The following NCOA7 variants were observed in gnomAD, a reference collection of about 807,000 sequenced individuals.
NCOA7 encodes the protein 140 kDa estrogen receptor-associated protein.
In NCOA7, 45 loss-of-function variants were observed where a neutral mutation model predicts 104.3. That is an observed-to-expected ratio of 0.43 (90% CI 0.34 to 0.55). The LOEUF (loss-of-function observed/expected upper bound fraction) is 0.55. Among genes scored for constraint, NCOA7 ranks in the 20% least tolerant of loss-of-function variants. The pLI is 0.02. For synonymous variants in NCOA7, 398 were observed against 402.3 expected (o/e 0.99, Z 0.13); for missense variants, 1,041 against 1,119.7 (o/e 0.93, Z 1.00).
chr6:125,804,513 T>C (rs1163071909), intron 1 of NCOA7, among the ~76,000 whole-genome samples: 1 of 152,170 alleles, frequency 6.6e-6, no homozygotes, highest in African/African-American at 2.4e-5. Flanking sequence ...GGAGATGAGA[T>C]CAGCAGATAG....
At position 125,863,305 on chromosome 6, in the gene NCOA7, A is replaced by C. The variant is rs1782200747; in HGVS notation, c.271+8065A>C. ...CAATATTTTGTAACCCATTCTTGTC[A>C]TTGTTGAAACAAAAAGGTACAGTCA... is the stretch of plus-strand genomic sequence containing the variant. On this transcript the variant is annotated intron_variant, in intron 3 of 15. Coordinates refer to ENST00000392477, the MANE Select transcript of NCOA7 (RefSeq NM_181782.5). Among the ~76,000 whole-genome samples, 2 of 138,368 alleles carry C rather than the reference A, an allele frequency of 1.4e-5. 1 individual carries two copies. Among genetic ancestry groups the C allele is most frequent in the Non-Finnish European group, 3.1e-5 (2 of 64,986 alleles). The allele number at this position is 138,368 out of a possible 152,430, so 90.8% of individuals were successfully genotyped here.
chr6:125,925,256 G>A (rs113986506), intron 13 of NCOA7, among the ~76,000 whole-genome samples: 9 of 152,248 alleles, frequency 5.9e-5, no homozygotes, highest in South Asian at 2.1e-4. Flanking sequence ...CAAGCCAAAG[G>A]GCACTCTAGA....
intron 1 of NCOA7, among the ~76,000 whole-genome samples, chr6:125,782,148 G>A (rs537694903): frequency 6.6e-6 from 1 of 151,898 alleles, no homozygotes; most frequent in East Asian, 1.9e-4. Context: ...GGATATATTG[G>A]GTTAAATAAA....
chr6:125,836,072 A>C (rs1779587144), intron 2 of NCOA7, among the ~76,000 whole-genome samples: 1 of 152,192 alleles, frequency 6.6e-6, no homozygotes. Flanking sequence ...AAATTCTTTC[A>C]TTAGTTTAGG....
intron 10 of NCOA7, among the ~76,000 whole-genome samples, chr6:125,892,106 G>T (rs1364046717): frequency 6.6e-6 from 1 of 152,156 alleles, no homozygotes; most frequent in African/African-American, 2.4e-5. Context: ...GGAAAACAAA[G>T]CGCTGAAACT....
intron 2 of NCOA7, among the ~76,000 whole-genome samples, chr6:125,829,295 A>G (rs1284208508): frequency 6.6e-6 from 1 of 152,212 alleles, no homozygotes; most frequent in Non-Finnish European, 1.5e-5. Flanking sequence ...TAAGAGACAG[A>G]TGTACAATGC....
chr6:125,788,325 T>C (rs879735697), upstream of NCOA7, among the ~76,000 whole-genome samples: 1 of 152,198 alleles, frequency 6.6e-6, no homozygotes, highest in East Asian at 1.9e-4. Context: ...GATTTATCTA[T>C]AAAGCCAAGG....
At chr6:125,922,566 G>A in intron 12 of NCOA7, 116 bp from the exon 13 acceptor site, 2 of 1,163,018 alleles carry the variant, frequency 1.7e-6, no homozygotes, top group South Asian at 1.5e-5. Context: ...ATAAGGAGGG[G>A]CACTATGTGA....
At chr6:125,781,852 G>T (rs939642377) in intron 1 of NCOA7, among the ~76,000 whole-genome samples, 1 of 152,098 alleles carries the variant, frequency 6.6e-6, no homozygotes, top group Non-Finnish European at 1.5e-5. Flanking sequence ...ACACATATCT[G>T]GTTCATTTTC....
chr6:125,856,227 T>C (rs867382206), intron 3 of NCOA7, among the ~76,000 whole-genome samples: 1 of 151,924 alleles, frequency 6.6e-6, no homozygotes, highest in South Asian at 2.1e-4. Context: ...ATACTGCAAA[T>C]ACGGTAAATG....
intron 10 of NCOA7, among the ~76,000 whole-genome samples, chr6:125,906,650 CAGAAGA>C (rs1786035149): frequency 6.6e-6 from 1 of 152,060 alleles, no homozygotes. Context: ...TATATGAACC[CAGAAGA>C]GGCTGAAGAC....
At chr6:125,910,812 T>A (rs1358461976) in intron 10 of NCOA7, among the ~76,000 whole-genome samples, 2 of 152,230 alleles carry the variant, frequency 1.3e-5, no homozygotes, top group Non-Finnish European at 2.9e-5. Context: ...ACCCAGAGAA[T>A]GGCTATGTAA....
chr6:125,836,979 G>A (rs1388701603), intron 2 of NCOA7, among the ~76,000 whole-genome samples: 1 of 152,266 alleles, frequency 6.6e-6, no homozygotes, highest in East Asian at 1.9e-4. Flanking sequence ...TCCATTTGGG[G>A]CAAAGTGTTC....
intron 1 of NCOA7, among the ~76,000 whole-genome samples, chr6:125,803,311 C>T (rs901528572): frequency 4.6e-5 from 7 of 152,084 alleles, no homozygotes; most frequent in African/African-American, 1.7e-4. Flanking sequence ...TTTTCATGCC[C>T]CTGTTTCCTG....
intron 3 of NCOA7, among the ~76,000 whole-genome samples, chr6:125,859,212 A>T (rs1420337315): frequency 6.6e-6 from 1 of 151,920 alleles, no homozygotes; most frequent in African/African-American, 2.4e-5. Context: ...GCAGCATTTG[A>T]TGGTCAGTGT....
intron 10 of NCOA7, among the ~76,000 whole-genome samples, chr6:125,899,677 A>C (rs1785322320): frequency 6.6e-6 from 1 of 152,184 alleles, no homozygotes; most frequent in Non-Finnish European, 1.5e-5. Context: ...ATTATTGATT[A>C]TTTTATGTTT....
At chr6:125,848,043 G>GA (rs1780779742) in intron 2 of NCOA7, among the ~76,000 whole-genome samples, 1 of 152,144 alleles carries the variant, frequency 6.6e-6, no homozygotes, top group Admixed American at 6.6e-5. Context: ...ACAGACACAT[G>GA]AAAAAATGCT....
At position 125,863,733 on chromosome 6, in the gene NCOA7, G is replaced by A. The variant is rs1254779487; in HGVS notation, c.271+8493G>A. 2.2e-5 allele frequency among the ~76,000 whole-genome samples: 3 copies of A among 137,766 alleles called. 1 individual carries two copies. Among genetic ancestry groups the A allele is most frequent in the Non-Finnish European group, 4.6e-5 (3 of 64,816 alleles). 90.4% of individuals were successfully genotyped at this position (137,766 alleles called of 152,430 possible). The stretch of plus-strand genomic sequence containing the variant: ...GGAGGCTGGAAAGTCCAAGATTAAG[G>A]CACTGGCAAATGTGGAGTGTGTTGA... On this transcript the variant is annotated intron_variant, in intron 3 of 15. Coordinates refer to ENST00000392477, the MANE Select transcript of NCOA7 (RefSeq NM_181782.5).
intron 2 of NCOA7, among the ~76,000 whole-genome samples, chr6:125,821,545 A>C (rs1348993093): frequency 1.3e-5 from 2 of 152,162 alleles, no homozygotes; most frequent in Non-Finnish European, 2.9e-5. Flanking sequence ...ACCAGTGTAA[A>C]TTAATTTGGA....
Sources: allele counts gnomAD v4.1 joint callset (sites outside exome capture counted in the v4.1 genomes callset), GRCh38; gene constraint gnomAD v4.1.1; transcripts MANE v1.5; gene names NCBI Gene and HGNC (gene_info 2026-07-23, HGNC 2026-07-21).